CEP192: variants seen among roughly 807,000 people sequenced by gnomAD.
CEP192 encodes the protein centrosomal protein of 192 kDa.
In CEP192, 151 loss-of-function variants were observed where a neutral mutation model predicts 271.8. The observed-to-expected ratio is 0.56, with a 90% CI of 0.49 to 0.64. The LOEUF (loss-of-function observed/expected upper bound fraction) is 0.64. Ranked by LOEUF, CEP192 falls within the 30% of genes least tolerant of loss-of-function variation. The probability of loss-of-function intolerance (pLI) is 0.00; values close to 1 mark genes in which losing one functional copy is unlikely to be tolerated. For synonymous variants in CEP192, 995 were observed against 1,076.5 expected (o/e 0.92, Z 1.48); for missense variants, 2,910 against 3,020.5 (o/e 0.96, Z 0.86).
chr18:13,013,276 T>G (rs1015961249), intron 5 of CEP192, among the ~76,000 whole-genome samples: 1 of 152,164 alleles, frequency 6.6e-6, no homozygotes, highest in Non-Finnish European at 1.5e-5. Flanking sequence ...TTTGCTCTGC[T>G]TCACTCTGTA....
At position 13,055,899 on chromosome 18, in the gene CEP192, A is replaced by G. The variant is rs1425380763; in HGVS notation, c.3309A>G (p.Thr1103=). 6.2e-7 allele frequency: 1 copy of G among 1,613,928 alleles called. No homozygotes were observed. The highest frequency in any genetic ancestry group is 8.5e-7 in the Non-Finnish European group (1 of 1,179,852). ...CATTTCAGAATAGAGGAAAAGGAAC[A>G]TTATCATCTATTATCCAGAATAACT... ...KVPFQNRGKG[T]LSSIIQNNSD... Residue 1103 remains threonine (T), a synonymous_variant, in exon 19 of 45, where the codon ACA becomes ACG. Coordinates refer to ENST00000506447, the MANE Select transcript of CEP192 (RefSeq NM_032142.4).
rs781602900 is a variant in CEP192 at position 13,067,791 on chromosome 18, T to C, written c.4489-40T>C. On this transcript the variant is annotated intron_variant, in intron 21 of 44. Coordinates refer to ENST00000506447, the MANE Select transcript of CEP192 (RefSeq NM_032142.4). The stretch of plus-strand genomic sequence containing the variant: ...GAACATACATGTTGTGCTATTAATA[T>C]ATTGCTTTTCATAAATCATTCCCTT... The C allele has an allele frequency of 5.8e-6, 9 of 1,547,312 alleles. No individual in the cohort carries two copies. In the Admixed American group the frequency reaches 1.5e-4, roughly 26 times the overall value.
intron 13 of CEP192, among the ~76,000 whole-genome samples, chr18:13,039,985 A>G (rs1420133654): frequency 2.0e-5 from 3 of 152,212 alleles, no homozygotes; most frequent in Admixed American, 1.3e-4. Context: ...TATTAGGGTT[A>G]TTGGAGGGAT....
intron 19 of CEP192, 106 bp from the exon 20 acceptor site, chr18:13,057,479 T>C: frequency 3.1e-6 from 4 of 1,273,066 alleles, no homozygotes; most frequent in Non-Finnish European, 4.3e-6. Context: ...ACTCTAGCTC[T>C]GTGTAAACAG....
chr18:13,027,087 GTCTTTAGACT>G (rs1213138321), intron 9 of CEP192, among the ~76,000 whole-genome samples: 3 of 152,094 alleles, frequency 2.0e-5, no homozygotes, highest in Non-Finnish European at 4.4e-5. Context: ...GTGAGCCTGT[GTCTTTAGACT>G]GTGCACTCCA....
intron 4 of CEP192, 59 bp downstream of exon 4, chr18:13,008,690 C>A: frequency 7.5e-7 from 1 of 1,329,682 alleles, no homozygotes; most frequent in South Asian, 1.5e-5. Flanking sequence ...TTTTTCATTT[C>A]CTTATCTTTG....
Position 13,038,460 on chromosome 18 carries a change from C to G in CEP192, c.1690C>G (p.Arg564Gly). 6.4e-7 allele frequency: 1 copy of G among 1,551,466 alleles called. No homozygotes were observed. The highest frequency in any genetic ancestry group is 8.7e-7 in the Non-Finnish European group (1 of 1,146,802). Reference protein sequence around the residue: ...TINYSLLRKSRSTSDLDKDDA... With the variant: ...TINYSLLRKSGSTSDLDKDDA... Reference sequence around the variant, plus strand: ...TAATTACAGTCTGTTGAGGAAATCACGTAGCACATCAGATTTGGATAAAGA... The same window carrying G: ...TAATTACAGTCTGTTGAGGAAATCAGGTAGCACATCAGATTTGGATAAAGA... The change falls in exon 13 of 45, where the codon CGT (arginine) becomes GGT (glycine). Residue 564 changes from arginine to glycine, a missense_variant. Arg to Gly is a moderately radical substitution (Grantham distance 125). Coordinates refer to ENST00000506447, the MANE Select transcript of CEP192 (RefSeq NM_032142.4).
At chr18:13,085,383 GA>G (rs35452398) in intron 30 of CEP192, among the ~76,000 whole-genome samples, 68,537 of 151,896 alleles carry the variant, frequency 0.45, 15,574 homozygotes, top group Middle Eastern at 0.51. Context: ...TTGCTGTGCA[GA>G]AGCTCTTTAG....
intron 30 of CEP192, among the ~76,000 whole-genome samples, chr18:13,076,062 G>A (rs2038257402): frequency 1.3e-5 from 2 of 152,150 alleles, no homozygotes; most frequent in Admixed American, 1.3e-4. Context: ...GGCACCAACT[G>A]GGTAGAAGCC....
At chr18:13,057,457 T>C in intron 19 of CEP192, 128 bp from the exon 20 acceptor site, 2 of 991,912 alleles carry the variant, frequency 2.0e-6, no homozygotes, top group Non-Finnish European at 2.9e-6. Context: ...CTCCTTCATC[T>C]GGAGCACTTT....
chr18:13,030,026 G>A, intron 10 of CEP192, 24 bp downstream of exon 10: 1 of 1,471,710 alleles, frequency 6.8e-7, no homozygotes, highest in Non-Finnish European at 9.2e-7. Context: ...TTAAAAAATA[G>A]AGTGAAAGAA....
intron 1 of CEP192, among the ~76,000 whole-genome samples, chr18:12,992,198 C>T (rs2032905067): frequency 6.6e-6 from 1 of 152,122 alleles, no homozygotes; most frequent in African/African-American, 2.4e-5. Flanking sequence ...ATTCGACTGG[C>T]GTTTTTACTG....
Position 13,116,390 on chromosome 18 carries a change from A to C in CEP192, c.7303A>C (p.Thr2435Pro). The change falls in exon 43 of 45, where the codon ACT becomes CCT. Residue 2435 changes from threonine (T) to proline (P), a missense_variant. Coordinates refer to ENST00000506447, the MANE Select transcript of CEP192 (RefSeq NM_032142.4). ...TTCCCAAAGCAGGCAGCTTGATGTG[A>C]CTGCTCGTGGAGTTTATGCCCCAGA... ...SARIPEQLDV[T>P]ARGVYAPEDV... The C allele has an allele frequency of 6.2e-7, 1 of 1,611,874 alleles. No homozygotes were observed. Among genetic ancestry groups the C allele is most frequent in the Non-Finnish European group, 8.5e-7 (1 of 1,179,424 alleles).
chr18:13,073,464 C>A (rs139046013), intron 30 of CEP192, among the ~76,000 whole-genome samples: 92 of 152,320 alleles, frequency 6.0e-4, no homozygotes, highest in African/African-American at 2.2e-3. Context: ...AGGAACACAT[C>A]TTTGGGTAAA....
intron 6 of CEP192, among the ~76,000 whole-genome samples, chr18:13,015,831 C>T (rs766125849): frequency 2.7e-5 from 4 of 150,134 alleles, no homozygotes; most frequent in Non-Finnish European, 5.9e-5. Context: ...CCACAACCTC[C>T]ACCTCCTGGG....
At position 13,068,627 on chromosome 18, in the gene CEP192, CT is replaced by C. The variant is rs1038746017; in HGVS notation, c.4822+209del. Among the ~76,000 whole-genome samples the C allele has an allele frequency of 3.8e-4, 58 of 152,304 alleles. 1 individual carries two copies. The highest frequency in any genetic ancestry group is 1.3e-3 in the African/African-American group (56 of 41,560). On this transcript the variant is annotated intron_variant, in intron 24 of 44. Coordinates refer to ENST00000506447, the MANE Select transcript of CEP192 (RefSeq NM_032142.4). ...AACTCCTGCAGATAGCACTGAAAACCTTTTAGAATATTTTCTGTTAATTGAT... is the reference window on the plus strand; with the variant it reads ...AACTCCTGCAGATAGCACTGAAAACCTTTAGAATATTTTCTGTTAATTGAT...
Position 13,114,197 on chromosome 18 carries a change from A to G in CEP192, c.7235A>G (p.His2412Arg). 6.2e-7 allele frequency: 1 copy of G among 1,614,082 alleles called. No individual in the cohort carries two copies. Among genetic ancestry groups the G allele is most frequent in the Non-Finnish European group, 8.5e-7 (1 of 1,179,998 alleles). ...LSTDSLIKID[H>R]LVKPRRQAVS... is the part of the protein sequence containing the mutation. ...ACGGATTCCCTCATTAAAATAGATCATTTAGTTAAGCCCCGAAGACAAGCT... is the reference window on the plus strand; with the variant it reads ...ACGGATTCCCTCATTAAAATAGATCGTTTAGTTAAGCCCCGAAGACAAGCT... The change falls in exon 42 of 45, where the codon CAT becomes CGT. Residue 2412 changes from histidine to arginine, a missense_variant. By Grantham distance (29) the His-to-Arg change is conservative (BLOSUM62 0). Coordinates refer to ENST00000506447, the MANE Select transcript of CEP192 (RefSeq NM_032142.4).
At chr18:13,090,299 A>G (rs1029196876) in intron 33 of CEP192, among the ~76,000 whole-genome samples, 2 of 152,216 alleles carry the variant, frequency 1.3e-5, no homozygotes, top group African/African-American at 4.8e-5. Flanking sequence ...ATGAATCTGT[A>G]CTGAATGACA....
At chr18:13,107,306 A>G (rs1421655829) in intron 40 of CEP192, among the ~76,000 whole-genome samples, 1 of 152,234 alleles carries the variant, frequency 6.6e-6, no homozygotes, top group Non-Finnish European at 1.5e-5. Flanking sequence ...AGCCAGGCTG[A>G]GCAATACAGT....
Sources: allele counts gnomAD v4.1 joint callset (sites outside exome capture counted in the v4.1 genomes callset), GRCh38; gene constraint gnomAD v4.1.1; transcripts MANE v1.5; gene names NCBI Gene and HGNC (gene_info 2026-07-23, HGNC 2026-07-21).